RARS2: variants seen among roughly 807,000 people sequenced by gnomAD.
The protein encoded by RARS2 is probable arginine--tRNA ligase, mitochondrial.
A neutral mutation model predicts 88.5 loss-of-function variants in RARS2; 67 were observed. The observed-to-expected ratio is 0.76, with a 90% CI of 0.62 to 0.93. RARS2 has a LOEUF of 0.93. RARS2 is among the 40% of genes least tolerant of loss of function. RARS2 has a pLI of 0.00. For synonymous variants in RARS2, 239 were observed against 230.3 expected, an observed-to-expected ratio of 1.04 and a Z score of -0.34; for missense variants, 664 against 684.2, an observed-to-expected ratio of 0.97 and a Z score of 0.33.
At position 87,518,628 on chromosome 6, in the gene RARS2, A is replaced by G. The variant is rs772989345; in HGVS notation, c.1415+2T>C. The G allele has an allele frequency of 1.2e-6, 2 of 1,609,468 alleles. No homozygotes were observed. The highest frequency in any genetic ancestry group is 2.2e-5 in the South Asian group (2 of 90,978). On this transcript the variant is annotated splice_donor_variant, in intron 16 of 19. Transcript: ENST00000369536. LOFTEE classifies it high-confidence loss of function. ...CAAGGTTTCCCTGCAGCCTCTTCTC[A>G]CCTGTGGAGGCGGGCGTGTGTGTAC...
At chr6:87,545,500 ATAGG>A (rs1360219702) in intron 7 of RARS2, 112 bp downstream of exon 7, 25 of 1,317,172 alleles carry the variant, frequency 1.9e-5, no homozygotes, top group Middle Eastern at 4.2e-4. Context: ...AAAAAAAAAA[ATAGG>A]TAGGACATAC....
chr6:87,514,508 TAAATC>T lies in RARS2; in HGVS notation c.1651-14_1651-10del, dbSNP rs763164942. The stretch of plus-strand genomic sequence containing the variant: ...AAAAGATGAAGTCTGGCCTACAAAA[TAAATC>T]AAAGAATGATTTAAAATATTCAGTA... On this transcript the variant is annotated splice_polypyrimidine_tract_variant and intron_variant, in intron 19 of 19. Coordinates refer to ENST00000369536, the MANE Select transcript of RARS2 (RefSeq NM_020320.5). The T allele has an allele frequency of 1.3e-5, 20 of 1,596,050 alleles. No individual in the cohort carries two copies. The highest frequency in any genetic ancestry group is 8.1e-5 in the African/African-American group (6 of 74,442).
At chr6:87,539,278 G>T (rs1374970211) in intron 8 of RARS2, among the ~76,000 whole-genome samples, 3 of 152,240 alleles carry the variant, frequency 2.0e-5, no homozygotes, top group African/African-American at 7.2e-5. Context: ...TGAAGTAGAG[G>T]TTCCCCTTCA....
chr6:87,577,424 T>C (rs1157941854), intron 1 of RARS2, among the ~76,000 whole-genome samples: 1 of 152,166 alleles, frequency 6.6e-6, no homozygotes, highest in Non-Finnish European at 1.5e-5. Context: ...CTCAAACTCC[T>C]GGGTTCAAGC....
intron 19 of RARS2, 114 bp from the exon 20 acceptor site, chr6:87,514,613 A>G (rs956068933): frequency 1.8e-5 from 17 of 939,112 alleles, no homozygotes; most frequent in African/African-American, 3.3e-5. Flanking sequence ...CAATATGTCA[A>G]AGTGCCCTAG....
intron 3 of RARS2, 35 bp downstream of exon 3, chr6:87,564,095 T>C (rs545555574): frequency 4.0e-6 from 6 of 1,491,738 alleles, no homozygotes; most frequent in Non-Finnish European, 9.4e-7. Flanking sequence ...ACAAGTTTAT[T>C]ACAATGTCAA....
At chr6:87,529,672 G>C in intron 9 of RARS2, 24 bp from the exon 10 acceptor site, 1 of 1,519,656 alleles carries the variant, frequency 6.6e-7, no homozygotes, top group Non-Finnish European at 9.1e-7. Flanking sequence ...GAAACAAAAA[G>C]ACAAAGAAAT....
chr6:87,577,350 C>G (rs1771881162), intron 1 of RARS2, among the ~76,000 whole-genome samples: 1 of 152,094 alleles, frequency 6.6e-6, no homozygotes, highest in Admixed American at 6.6e-5. Flanking sequence ...CACCACCATG[C>G]CTGGCTAATT....
intron 8 of RARS2, among the ~76,000 whole-genome samples, chr6:87,540,115 T>C (rs945599122): frequency 6.6e-6 from 1 of 152,068 alleles, no homozygotes; most frequent in Admixed American, 6.6e-5. Context: ...AGTGTTGGCA[T>C]GGACTCAGGG....
intron 6 of RARS2, 75 bp from the exon 7 acceptor site, chr6:87,545,774 T>C: frequency 1.3e-6 from 2 of 1,503,760 alleles, no homozygotes; most frequent in Non-Finnish European, 9.0e-7. Context: ...TACTTCTCTA[T>C]TATCAAACAT....
chr6:87,518,985 ACAAT>A lies in RARS2; in HGVS notation c.1238-98_1238-95del, dbSNP rs202090254. The A allele has an allele frequency of 9.6e-4, 1,110 of 1,157,158 alleles. 21 individuals are homozygous for A. In the East Asian group the frequency reaches 0.024, roughly 25 times the overall value. The allele number at this position is 1,157,158 out of a possible 1,614,324, so 71.7% of individuals were successfully genotyped here. A position where few individuals can be genotyped will look rare whatever the true frequency, so the allele number is the denominator to read the frequency against. ...TAACATCTGCCAAAAATGTATGCTGACAATCAAGAACAGATTCAGAATGAGTAAT... is the reference window on the plus strand; with the variant it reads ...TAACATCTGCCAAAAATGTATGCTGACAAGAACAGATTCAGAATGAGTAAT... On this transcript the variant is annotated intron_variant, in intron 14 of 19. Coordinates refer to ENST00000369536, the MANE Select transcript of RARS2 (RefSeq NM_020320.5).
intron 1 of RARS2, among the ~76,000 whole-genome samples, chr6:87,584,532 T>C (rs1774542660): frequency 6.6e-6 from 1 of 152,194 alleles, no homozygotes; most frequent in Non-Finnish European, 1.5e-5. Context: ...CCTGTAAACT[T>C]GGAATCAAAA....
Position 87,548,721 on chromosome 6 carries a change from T to C in RARS2, c.396-75A>G, listed in dbSNP as rs186830075. 1.3e-4 allele frequency: 181 copies of C among 1,375,060 alleles called. No homozygotes were observed. In the East Asian group the frequency reaches 3.8e-3, roughly 29 times the overall value. The allele number at this position is 1,375,060 out of a possible 1,614,324, so 85.2% of individuals were successfully genotyped here. A position where few individuals can be genotyped will look rare whatever the true frequency, so the allele number is the denominator to read the frequency against. On this transcript the variant is annotated intron_variant, in intron 5 of 19. Transcript: ENST00000369536. ...AAGAATCAACTAGGTCATGCCTCCATACTTTGACAAAACTGTGGAGTATGG... is the reference window on the plus strand; with the variant it reads ...AAGAATCAACTAGGTCATGCCTCCACACTTTGACAAAACTGTGGAGTATGG...
Position 87,519,617 on chromosome 6 carries a change from T to G in RARS2, c.1203A>C (p.Gln401His). The G allele has an allele frequency of 6.2e-7, 1 of 1,612,294 alleles. No individual in the cohort carries two copies. Among genetic ancestry groups the G allele is most frequent in the Non-Finnish European group, 8.5e-7 (1 of 1,178,334 alleles). The change falls in exon 14 of 20, where the codon CAA becomes CAC. Residue 401 changes from glutamine (Q) to histidine (H), a missense_variant. Physicochemically the swap from Gln to His is conservative, Grantham distance 24. Transcript: ENST00000369536. Reference protein sequence around the residue: ...TFLEDVLNEIQLRMLQNMASI... With the variant: ...TFLEDVLNEIHLRMLQNMASI... ...AAGCCATGTTCTGTAGCATCCTTAA[T>G]TGAATCTCATTTAAAACATCTTCCA...
intron 2 of RARS2, among the ~76,000 whole-genome samples, chr6:87,567,112 C>T (rs150090899): frequency 0.016 from 2,504 of 152,206 alleles, 64 homozygotes; most frequent in African/African-American, 0.056. Flanking sequence ...ATTAGCTGGG[C>T]ATGGTGGTGT....
chr6:87,557,570 T>A (rs1033173285), intron 4 of RARS2, among the ~76,000 whole-genome samples: 2 of 152,244 alleles, frequency 1.3e-5, no homozygotes, highest in African/African-American at 4.8e-5. Flanking sequence ...GCAACATTAA[T>A]AATTTTTAAA....
chr6:87,520,205 T>C lies in RARS2; in HGVS notation c.1087A>G (p.Ile363Val). 1 of 1,613,638 alleles carries C rather than the reference T, an allele frequency of 6.2e-7. No homozygotes were observed. Among genetic ancestry groups the C allele is most frequent in the Non-Finnish European group, 8.5e-7 (1 of 1,179,692 alleles). Residue 363 changes from isoleucine to valine, a missense_variant, in exon 13 of 20, where the codon ATC becomes GTC. Ile to Val is a conservative substitution (Grantham distance 29, BLOSUM62 3). Coordinates refer to ENST00000369536, the MANE Select transcript of RARS2 (RefSeq NM_020320.5). ...CTTTCTGCCCAGTCATATCCCATGA[T>C]CTTCAGCATTTGGAATACTTGCTGA... ...HFQQVFQMLK[I>V]MGYDWAERCQ...
chr6:87,576,620 GT>G (rs1483131149), intron 1 of RARS2, among the ~76,000 whole-genome samples: 1 of 152,090 alleles, frequency 6.6e-6, no homozygotes, highest in East Asian at 1.9e-4. Flanking sequence ...TAAGGTAAGA[GT>G]TTGCCAGAGA....
At chr6:87,527,299 C>T (rs142888250) in intron 10 of RARS2, among the ~76,000 whole-genome samples, 194 of 152,008 alleles carry the variant, frequency 1.3e-3, no homozygotes, top group African/African-American at 4.0e-3. Context: ...TACAGTGAGA[C>T]CCCGTCTCAA....
Sources: allele counts gnomAD v4.1 joint callset (sites outside exome capture counted in the v4.1 genomes callset), GRCh38; gene constraint gnomAD v4.1.1; transcripts MANE v1.5; gene names NCBI Gene and HGNC (gene_info 2026-07-23, HGNC 2026-07-21).